Variants in BANK1 observed in about 807,000 individuals in gnomAD.
The protein encoded by BANK1 is B-cell scaffold protein with ankyrin repeats.
Under a neutral mutation model 94.5 loss-of-function variants are expected in BANK1, and 95 were observed. That is an observed-to-expected ratio of 1.00 (90% confidence interval 0.85 to 1.19). The LOEUF is 1.19. Among genes scored for constraint, BANK1 ranks in the 50% most tolerant of loss-of-function variants. The pLI, the probability that BANK1 is intolerant of heterozygous loss-of-function variation, is 0.00. For synonymous variants in BANK1, 334 were observed against 308.4 expected (o/e 1.08, Z -0.87); for missense variants, 987 against 932.2 (o/e 1.06, Z -0.77).
chr4:102,029,578 T>A (rs1217369358), intron 9 of BANK1, among the ~76,000 whole-genome samples: 1 of 148,110 alleles, frequency 6.8e-6, no homozygotes, highest in Non-Finnish European at 1.5e-5. Flanking sequence ...TTTTATACAT[T>A]AAATATTTAT....
At chr4:101,857,934 T>C (rs1456959711) in intron 3 of BANK1, among the ~76,000 whole-genome samples, 2 of 152,214 alleles carry the variant, frequency 1.3e-5, no homozygotes, top group Non-Finnish European at 2.9e-5. Flanking sequence ...TTCTAGCATA[T>C]GCCTCTTGGT....
chr4:101,998,167 G>A (rs183064702), intron 7 of BANK1, among the ~76,000 whole-genome samples: 155 of 151,988 alleles, frequency 1.0e-3, no homozygotes, highest in African/African-American at 3.6e-3. Flanking sequence ...CCTTAATTTC[G>A]TTATTTACCC....
intron 7 of BANK1, among the ~76,000 whole-genome samples, chr4:101,994,511 A>T (rs2851318): frequency 0.8 from 121,676 of 151,898 alleles, 49,381 homozygotes; most frequent in Non-Finnish European, 0.88. Flanking sequence ...CTGTTTTTTT[A>T]AAAAATATAA....
At chr4:101,852,674 A>C (rs1727534197) in intron 2 of BANK1, among the ~76,000 whole-genome samples, 1 of 151,274 alleles carries the variant, frequency 6.6e-6, no homozygotes, top group African/African-American at 2.4e-5. Flanking sequence ...CTGCCTGTTA[A>C]ATACTCTTTG....
chr4:101,979,694 T>A (rs541188840), intron 7 of BANK1, among the ~76,000 whole-genome samples: 5 of 152,010 alleles, frequency 3.3e-5, no homozygotes, highest in African/African-American at 1.2e-4. Flanking sequence ...TATGTGTATA[T>A]GTAAGAAATT....
chr4:101,839,885 C>CT (rs1022782796), intron 2 of BANK1, among the ~76,000 whole-genome samples: 2 of 120,014 alleles, frequency 1.7e-5, no homozygotes, highest in Admixed American at 9.1e-5. Context: ...TATACAATTG[C>CT]TTTTTTTCCA....
chr4:102,000,640 T>G (rs768925394), intron 7 of BANK1, among the ~76,000 whole-genome samples: 1 of 152,202 alleles, frequency 6.6e-6, no homozygotes, highest in Non-Finnish European at 1.5e-5. Flanking sequence ...AGGAAACTGA[T>G]ACATGTGTTG....
chr4:101,791,081 CT>C, intron 1 of BANK1, 131 bp downstream of exon 1: 2 of 740,424 alleles, frequency 2.7e-6, no homozygotes, highest in Non-Finnish European at 4.1e-6. Flanking sequence ...AGGGCTTCTC[CT>C]TTTTATCCTG....
At chr4:101,954,974 G>A (rs143222454) in intron 7 of BANK1, among the ~76,000 whole-genome samples, 1 of 152,198 alleles carries the variant, frequency 6.6e-6, no homozygotes, top group East Asian at 1.9e-4. Context: ...TGATAGGTAA[G>A]CATGAGTTAA....
chr4:102,062,118 C>G (rs953136927), intron 12 of BANK1: 1 of 151,984 alleles, frequency 6.6e-6, no homozygotes, highest in Non-Finnish European at 1.5e-5. Flanking sequence ...TGTTTGTATC[C>G]TATGAATATA....
rs764683737 is a variant in BANK1 at position 102,073,426 on chromosome 4, G to A, written c.2299-258G>A. 8.6e-4 allele frequency among the ~76,000 whole-genome samples: 131 copies of A among 151,968 alleles called. 1 individual carries two copies. In the Middle Eastern group the frequency reaches 0.01, roughly 12 times the overall value. ...TTTGGAGAGGAGATTTTGAATAAGAGGAAAAGAATACAAATTCCCAATGCT... is the reference window on the plus strand; with the variant it reads ...TTTGGAGAGGAGATTTTGAATAAGAAGAAAAGAATACAAATTCCCAATGCT... On this transcript the variant is annotated intron_variant, in intron 15 of 16. Coordinates refer to ENST00000322953, the MANE Select transcript of BANK1 (RefSeq NM_017935.5).
At chr4:101,876,782 C>T (rs1177014703) in intron 5 of BANK1, among the ~76,000 whole-genome samples, 3 of 151,970 alleles carry the variant, frequency 2.0e-5, no homozygotes, top group Non-Finnish European at 4.4e-5. Flanking sequence ...TTTGAGGAAA[C>T]GCAAAGAAAT....
intron 7 of BANK1, among the ~76,000 whole-genome samples, chr4:101,921,641 G>T (rs1469139074): frequency 6.6e-6 from 1 of 151,888 alleles, no homozygotes; most frequent in Admixed American, 6.6e-5. Flanking sequence ...TGTGTAAATA[G>T]ACAAGGAAAA....
At chr4:102,070,216 T>C (rs80039611) in intron 13 of BANK1, among the ~76,000 whole-genome samples, 2,915 of 152,256 alleles carry the variant, frequency 0.019, 95 homozygotes, top group African/African-American at 0.066. Flanking sequence ...AAGCTCCCTG[T>C]TTAACCTTGA....
chr4:101,931,579 A>G (rs1327180037), intron 7 of BANK1, among the ~76,000 whole-genome samples: 2 of 151,554 alleles, frequency 1.3e-5, no homozygotes, highest in Admixed American at 6.6e-5. Context: ...CATAATTGCA[A>G]AAGTCAGTTC....
At chr4:101,826,973 C>T (rs1470696948) in intron 1 of BANK1, among the ~76,000 whole-genome samples, 1 of 151,884 alleles carries the variant, frequency 6.6e-6, no homozygotes, top group Non-Finnish European at 1.5e-5. Context: ...TTCACCACAT[C>T]AGTGGTGTAG....
At chr4:101,991,725 A>T (rs150436829) in intron 7 of BANK1, among the ~76,000 whole-genome samples, 76 of 152,246 alleles carry the variant, frequency 5.0e-4, no homozygotes, top group Middle Eastern at 3.4e-3. Flanking sequence ...ATCTGGGGGC[A>T]GTGGGGGTGG....
chr4:102,023,324 G>A (rs1343271402), intron 8 of BANK1, among the ~76,000 whole-genome samples: 2 of 152,066 alleles, frequency 1.3e-5, no homozygotes, highest in African/African-American at 4.8e-5. Flanking sequence ...ATGGATTAAT[G>A]CACCAAGCTT....
intron 11 of BANK1, among the ~76,000 whole-genome samples, chr4:102,049,812 C>A (rs1039965799): frequency 6.6e-6 from 1 of 152,130 alleles, no homozygotes; most frequent in Non-Finnish European, 1.5e-5. Context: ...GGCAAGTGGG[C>A]GCAAGCATGT....
Sources: gnomAD v4.1 joint callset for allele counts (sites outside exome capture counted in the v4.1 genomes callset) on GRCh38, gnomAD v4.1.1 for gene constraint, MANE v1.5 for transcripts, NCBI Gene and HGNC (gene_info 2026-07-23, HGNC 2026-07-21) for gene names.